CTNNA3: variants seen among roughly 807,000 people sequenced by gnomAD.
The protein encoded by CTNNA3 is catenin alpha-3.
A neutral mutation model predicts 95.7 loss-of-function variants in CTNNA3; 76 were observed. The observed-to-expected ratio is 0.79, with a 90% CI of 0.66 to 0.96. The LOEUF is 0.96. Among genes scored for constraint, CTNNA3 ranks in the 40% least tolerant of loss-of-function variants. The probability of loss-of-function intolerance (pLI) is 0.00; values close to 1 mark genes in which losing one functional copy is unlikely to be tolerated. For missense variants in CTNNA3, 1,191 were observed against 1,089.8 expected (o/e 1.09, Z -1.31); for synonymous variants, 431 against 374.4 (o/e 1.15, Z -1.74).
chr10:66,148,620 A>G (rs2084020622), intron 13 of CTNNA3, among the ~76,000 whole-genome samples: 1 of 152,072 alleles, frequency 6.6e-6, no homozygotes. Context: ...ATACAGTGAG[A>G]AAGTGCCATC....
At chr10:66,515,313 T>C (rs1282582289) in intron 11 of CTNNA3, among the ~76,000 whole-genome samples, 1 of 105,896 alleles carries the variant, frequency 9.4e-6, no homozygotes, top group African/African-American at 3.8e-5. Flanking sequence ...ATATGGAAAA[T>C]AGTCTCTCCC....
intron 13 of CTNNA3, among the ~76,000 whole-genome samples, chr10:66,197,229 A>T (rs2087018544): frequency 6.6e-6 from 1 of 152,180 alleles, no homozygotes; most frequent in African/African-American, 2.4e-5. Context: ...AACAAAACAG[A>T]GTGTAGACTA....
chr10:67,156,219 CA>C (rs1465545657), intron 7 of CTNNA3, among the ~76,000 whole-genome samples: 3 of 151,424 alleles, frequency 2.0e-5, no homozygotes, highest in South Asian at 4.1e-4. Context: ...TGTATCTTTT[CA>C]AAAAAACCAT....
Position 65,988,768 on chromosome 10 carries a change from T to A in CTNNA3, c.2189A>T (p.Asp730Val). The change falls in exon 16 of 18, where the codon GAT (aspartate) becomes GTT (valine). Residue 730 changes from aspartate to valine, a missense_variant. Coordinates refer to ENST00000433211, the MANE Select transcript of CTNNA3 (RefSeq NM_013266.4). ...TATCATTTTCGCTGCATAGATCACA[T>A]CAGTTGTATGCTTTAGTGGTCCTTT... ...RGKGPLKHTT[D>V]VIYAAKMISE... The A allele has an allele frequency of 6.2e-7, 1 of 1,613,972 alleles. No individual in the cohort carries two copies. The highest frequency in any genetic ancestry group is 8.5e-7 in the Non-Finnish European group (1 of 1,179,910).
At chr10:66,330,879 G>A (rs924270488) in intron 12 of CTNNA3, among the ~76,000 whole-genome samples, 16 of 152,042 alleles carry the variant, frequency 1.1e-4, no homozygotes, top group African/African-American at 3.9e-4. Flanking sequence ...CTTTTGAGAA[G>A]TGTCTGTTCA....
intron 13 of CTNNA3, among the ~76,000 whole-genome samples, chr10:66,143,217 C>T (rs927135380): frequency 2.4e-4 from 36 of 152,026 alleles, no homozygotes; most frequent in African/African-American, 8.7e-4. Context: ...AATATGCTTA[C>T]AGTACCAAAA....
At chr10:67,214,398 A>G (rs1430497241) in intron 6 of CTNNA3, among the ~76,000 whole-genome samples, 1 of 151,800 alleles carries the variant, frequency 6.6e-6, no homozygotes, top group Non-Finnish European at 1.5e-5. Context: ...ATATATAAAG[A>G]CCCTAGAACA....
At chr10:66,631,734 C>T (rs908920545) in intron 9 of CTNNA3, among the ~76,000 whole-genome samples, 1 of 149,542 alleles carries the variant, frequency 6.7e-6, no homozygotes, top group African/African-American at 2.5e-5. Flanking sequence ...ATATTTTACT[C>T]AAGGTTCTAG....
intron 15 of CTNNA3, among the ~76,000 whole-genome samples, chr10:66,056,877 T>TGCAGC (rs1160815132): frequency 6.6e-6 from 1 of 152,184 alleles, no homozygotes; most frequent in Non-Finnish European, 1.5e-5. Flanking sequence ...CCATAACCTC[T>TGCAGC]GCAGCAACCA....
chr10:67,514,721 T>TG (rs1554847512), intron 5 of CTNNA3, among the ~76,000 whole-genome samples: 1 of 93,228 alleles, frequency 1.1e-5, no homozygotes, highest in African/African-American at 1.0e-4. Flanking sequence ...GTTTTTGTTG[T>TG]TTTTTTTTTT....
At chr10:67,350,609 A>C (rs892482739) in intron 5 of CTNNA3, among the ~76,000 whole-genome samples, 1 of 151,458 alleles carries the variant, frequency 6.6e-6, no homozygotes, top group African/African-American at 2.4e-5. Flanking sequence ...CCCACCACCA[A>C]CAACAAAGAA....
At chr10:67,261,984 T>A (rs1425238928) in intron 5 of CTNNA3, among the ~76,000 whole-genome samples, 1 of 152,202 alleles carries the variant, frequency 6.6e-6, no homozygotes, top group African/African-American at 2.4e-5. Flanking sequence ...TGAGAACTGT[T>A]CTATGTATAC....
chr10:67,510,129 C>T (rs1198614549), intron 5 of CTNNA3, among the ~76,000 whole-genome samples: 1 of 152,132 alleles, frequency 6.6e-6, no homozygotes, highest in East Asian at 1.9e-4. Flanking sequence ...TTTTCCCATT[C>T]TGTAGGTTTC....
chr10:67,725,540 T>C (rs907726579), intron 1 of CTNNA3, among the ~76,000 whole-genome samples: 20 of 152,082 alleles, frequency 1.3e-4, no homozygotes, highest in African/African-American at 4.8e-4. Flanking sequence ...GACACTTTTA[T>C]TTCTCCCAGT....
chr10:66,513,091 G>A (rs1159390593), intron 11 of CTNNA3, among the ~76,000 whole-genome samples: 1 of 152,036 alleles, frequency 6.6e-6, no homozygotes, highest in Non-Finnish European at 1.5e-5. Context: ...TAAATAAGTG[G>A]CCTATTTATT....
intron 7 of CTNNA3, among the ~76,000 whole-genome samples, chr10:67,031,145 T>C (rs571823237): frequency 6.6e-6 from 1 of 152,374 alleles, no homozygotes; most frequent in African/African-American, 2.4e-5. Context: ...TAACCTTTAC[T>C]TAATAAAGTT....
At chr10:67,489,938 A>G (rs1848590026) in intron 5 of CTNNA3, among the ~76,000 whole-genome samples, 1 of 152,032 alleles carries the variant, frequency 6.6e-6, no homozygotes, top group Non-Finnish European at 1.5e-5. Flanking sequence ...ATCATGTAAT[A>G]TTTGTCTTTT....
intron 14 of CTNNA3, among the ~76,000 whole-genome samples, chr10:66,076,502 C>T (rs985789295): frequency 6.6e-6 from 1 of 151,574 alleles, no homozygotes; most frequent in Non-Finnish European, 1.5e-5. Context: ...TACATTTCTA[C>T]ATTTTTATGT....
chr10:66,808,630 A>C (rs1337236750), intron 7 of CTNNA3, among the ~76,000 whole-genome samples: 1 of 152,168 alleles, frequency 6.6e-6, no homozygotes, highest in South Asian at 2.1e-4. Flanking sequence ...ATAAGTTTTA[A>C]ATTGTGTGAT....
Sources: allele counts gnomAD v4.1 joint callset (sites outside exome capture counted in the v4.1 genomes callset), GRCh38; gene constraint gnomAD v4.1.1; transcripts MANE v1.5; gene names NCBI Gene and HGNC (gene_info 2026-07-23, HGNC 2026-07-21).